KDM6A: variants seen among roughly 807,000 people sequenced by gnomAD.
KDM6A encodes lysine demethylase 6A.
In KDM6A, 11 loss-of-function variants were observed where a neutral mutation model predicts 117.6. The ratio of observed to expected loss-of-function variants is 0.09; its 90% CI spans 0.06 to 0.15. KDM6A has a LOEUF of 0.15. Ranked by LOEUF, KDM6A falls within the 10% of genes least tolerant of loss-of-function variation. The pLI is 1.00. For missense variants in KDM6A, 799 were observed against 1,077.3 expected, an observed-to-expected ratio of 0.74 and a Z score of 3.62; for synonymous variants, 384 against 396.1, an observed-to-expected ratio of 0.97 and a Z score of 0.36.
intron 8 of KDM6A, among the ~76,000 whole-genome samples, chrX:45,040,529 G>C (rs1217673712): frequency 1.4e-5 from 1 of 70,266 alleles, no homozygotes; most frequent in Non-Finnish European, 2.8e-5. Context: ...GGACGGGGCG[G>C]CTGGCCGGGC....
intron 2 of KDM6A, among the ~76,000 whole-genome samples, chrX:44,895,805 A>G (rs1398595734): frequency 9.8e-6 from 1 of 101,951 alleles, no homozygotes; most frequent in Non-Finnish European, 2.0e-5. Context: ...TCTTTCTATT[A>G]TTACTTGCAT....
At chrX:45,086,311 G>C in intron 25 of KDM6A, 1 of 217,360 alleles carries the variant, frequency 4.6e-6, no homozygotes, top group South Asian at 6.3e-5. Flanking sequence ...GTTATAAATG[G>C]TTTTAGGAAG....
intron 24 of KDM6A, among the ~76,000 whole-genome samples, chrX:45,085,396 T>G: frequency 8.9e-6 from 1 of 112,067 alleles, no homozygotes; most frequent in African/African-American, 3.2e-5. Context: ...TTACTATGGG[T>G]TTATCAGGAT....
intron 27 of KDM6A, among the ~76,000 whole-genome samples, chrX:45,093,633 ACTTATAGT>A (rs761939781): frequency 1.2e-3 from 132 of 110,219 alleles, no homozygotes; most frequent in South Asian, 5.0e-3. Context: ...ACCAAGGAAA[ACTTATAGT>A]CTTTTCTTCT....
chrX:44,947,888 C>G (rs1425370919), intron 2 of KDM6A, among the ~76,000 whole-genome samples: 1 of 111,579 alleles, frequency 9.0e-6, no homozygotes, highest in Non-Finnish European at 1.9e-5. Flanking sequence ...GCCTTGTGTT[C>G]TGTCCCCCAA....
At chrX:44,890,377 G>A (rs1012095772) in intron 2 of KDM6A, among the ~76,000 whole-genome samples, 2 of 111,935 alleles carry the variant, frequency 1.8e-5, no homozygotes, top group African/African-American at 6.5e-5. Flanking sequence ...ACAGGTTTTT[G>A]TGTGAACATA....
At chrX:44,953,612 A>G (rs2038147170) in intron 2 of KDM6A, among the ~76,000 whole-genome samples, 2 of 111,607 alleles carry the variant, frequency 1.8e-5, no homozygotes, top group South Asian at 7.5e-4. Context: ...GAAATTTTAA[A>G]TATTTGTTGC....
intron 2 of KDM6A, among the ~76,000 whole-genome samples, chrX:44,940,443 G>A (rs770065288): frequency 1.8e-5 from 2 of 111,859 alleles, no homozygotes; most frequent in African/African-American, 6.5e-5. Flanking sequence ...TAAGTTTTGC[G>A]AAGCTGTCAA....
intron 27 of KDM6A, among the ~76,000 whole-genome samples, chrX:45,093,405 A>C (rs73634318): frequency 1.8e-3 from 194 of 109,341 alleles, no homozygotes; most frequent in African/African-American, 6.0e-3. Flanking sequence ...AACAAACAAA[A>C]AAAAAACGGA....
chrX:45,071,868 C>G (rs1306689283), intron 18 of KDM6A, among the ~76,000 whole-genome samples: 1 of 111,012 alleles, frequency 9.0e-6, no homozygotes, highest in Non-Finnish European at 1.9e-5. Flanking sequence ...CTCCCAGGTT[C>G]AAGCGATTCT....
intron 27 of KDM6A, among the ~76,000 whole-genome samples, chrX:45,100,692 G>A (rs1045628673): frequency 9.0e-6 from 1 of 110,833 alleles, no homozygotes; most frequent in African/African-American, 3.3e-5. Flanking sequence ...TAACATATAA[G>A]CCAATGTTTG....
intron 2 of KDM6A, among the ~76,000 whole-genome samples, chrX:44,876,983 A>ACGTATACGCATATGTATATACACT (rs1569323247): frequency 1.8e-5 from 2 of 108,588 alleles, no homozygotes; most frequent in Admixed American, 9.6e-5. Context: ...ACGTATATAC[A>ACGTATACGCATATGTATATACACT]CGTATACGCA....
In KDM6A at chrX:45,091,280, C is replaced by T. The variant is rs187208098; in HGVS notation, c.4034+416C>T. On this transcript the variant is annotated intron_variant, in intron 27 of 29. Coordinates refer to ENST00000611820, the MANE Select transcript of KDM6A (RefSeq NM_001291415.2). ...CTGATTTTTTAATTTTTAATTAAAT[C>T]ATCTATTTTTTAAGTATCTCTTTTC... is the stretch of plus-strand genomic sequence containing the variant. Among the ~76,000 whole-genome samples, 345 of 111,490 alleles carry T rather than the reference C, an allele frequency of 3.1e-3. 1 individual carries two copies. The highest frequency in any genetic ancestry group is 0.011 in the African/African-American group (326 of 30,727).
chrX:44,954,299 T>C (rs1481915165), intron 2 of KDM6A, among the ~76,000 whole-genome samples: 2 of 111,244 alleles, frequency 1.8e-5, no homozygotes, highest in African/African-American at 3.3e-5. Context: ...GGAAAGGATA[T>C]CAAGTTTAAT....
intron 25 of KDM6A, among the ~76,000 whole-genome samples, chrX:45,089,066 A>G (rs757457783): frequency 1.8e-5 from 2 of 111,640 alleles, no homozygotes; most frequent in Admixed American, 1.9e-4. Flanking sequence ...CTTGATGTCA[A>G]CTCCACCTTC....
At chrX:45,058,928 C>CTGTGATATA (rs1382006932) in intron 10 of KDM6A, 78 bp from the exon 11 acceptor site, 2 of 910,401 alleles carry the variant, frequency 2.2e-6, no homozygotes, top group African/African-American at 4.0e-5. Flanking sequence ...ATATATAGTC[C>CTGTGATATA]ATCCTTTCAG....
In KDM6A at chrX:44,873,695, G is replaced by C; in HGVS notation, c.144G>C (p.Ala48=). Residue 48 remains alanine (A), a synonymous_variant, in exon 1 of 30, where the codon GCG becomes GCC. Coordinates refer to ENST00000611820, the MANE Select transcript of KDM6A (RefSeq NM_001291415.2). ...SPSLTAEERE[A]LGGLDSRLFG... is the part of the protein sequence containing the mutation. ...GCCTGACAGCCGAGGAGAGGGAGGC[G>C]CTCGGCGGACTGGACAGGTACGGGC... 1 of 1,173,476 alleles carries C rather than the reference G, an allele frequency of 8.5e-7. No homozygotes were observed. Among genetic ancestry groups the C allele is most frequent in the Non-Finnish European group, 1.1e-6 (1 of 876,892 alleles).
At chrX:45,061,084 G>C (rs932372935) in intron 14 of KDM6A, among the ~76,000 whole-genome samples, 1 of 110,955 alleles carries the variant, frequency 9.0e-6, no homozygotes, top group African/African-American at 3.3e-5. Context: ...TAGCCGTTTG[G>C]GCCATAGTTT....
chrX:45,059,115 G>A lies in KDM6A; in HGVS notation c.974+11G>A. On this transcript the variant is annotated intron_variant, in intron 11 of 29. Transcript: ENST00000611820. Reference sequence around the variant, plus strand: ...ATGGTGTTCAATAGGGTAAGCCTTTGTATAAAAATAGTAGTAATTTAATTG... The same window carrying A: ...ATGGTGTTCAATAGGGTAAGCCTTTATATAAAAATAGTAGTAATTTAATTG... 1 of 1,196,117 alleles carries A rather than the reference G, an allele frequency of 8.4e-7. No individual in the cohort carries two copies. The highest frequency in any genetic ancestry group is 1.1e-6 in the Non-Finnish European group (1 of 881,955).
Sources: allele counts gnomAD v4.1 joint callset (sites outside exome capture counted in the v4.1 genomes callset), GRCh38; gene constraint gnomAD v4.1.1; transcripts MANE v1.5; gene names NCBI Gene and HGNC (gene_info 2026-07-23, HGNC 2026-07-21).